Variants in ANK3 observed in about 807,000 individuals in gnomAD.
ANK3 encodes ankyrin 3.
A neutral mutation model predicts 370.9 loss-of-function variants in ANK3; 57 were observed. The ratio of observed to expected loss-of-function variants is 0.15; its 90% CI spans 0.12 to 0.19. The LOEUF (loss-of-function observed/expected upper bound fraction) is 0.19. ANK3 is among the 10% of genes least tolerant of loss of function. ANK3 has a pLI of 1.00. For missense variants in ANK3, 4,439 were observed against 5,302.1 expected (o/e 0.84, Z 5.06); for synonymous variants, 1,929 against 1,946.3 (o/e 0.99, Z 0.23).
intron 2 of ANK3, among the ~76,000 whole-genome samples, chr10:60,471,878 C>T: frequency 6.6e-6 from 1 of 151,918 alleles, no homozygotes; most frequent in African/African-American, 2.4e-5. Flanking sequence ...CCACTAGATA[C>T]TGGAGCTTTC....
rs568146334 is a variant in ANK3 at position 60,492,514 on chromosome 10, T to A, written c.96+122672A>T. Among the ~76,000 whole-genome samples the A allele has an allele frequency of 3.3e-5, 5 of 151,564 alleles. No individual in the cohort carries two copies. The South Asian group carries it at 6.3e-4, about 19-fold the overall frequency. On this transcript the variant is annotated intron_variant, in intron 2 of 43. Transcript: ENST00000373827. ...CGAGGTCAGGAGATCGAGACTATCC[T>A]GGCTAACACAGTGAAACCCCATCTT... is the stretch of plus-strand genomic sequence containing the variant.
intron 1 of ANK3, among the ~76,000 whole-genome samples, chr10:60,624,273 T>G (rs1198405198): frequency 2.6e-5 from 4 of 151,702 alleles, no homozygotes; most frequent in Non-Finnish European, 5.9e-5. Flanking sequence ...CTAATGGGGA[T>G]GTAGGTGATA....
At chr10:60,251,395 A>G (rs1055865710) in intron 7 of ANK3, among the ~76,000 whole-genome samples, 2 of 152,068 alleles carry the variant, frequency 1.3e-5, no homozygotes, top group African/African-American at 4.8e-5. Context: ...GGCTGTAAAG[A>G]GATGTTCAAT....
chr10:60,499,594 G>A (rs2075745736), intron 2 of ANK3, among the ~76,000 whole-genome samples: 1 of 152,104 alleles, frequency 6.6e-6, no homozygotes, highest in Non-Finnish European at 1.5e-5. Context: ...ATTCATAAGG[G>A]ATACTTAACA....
At chr10:60,468,474 T>C (rs1422338190) in intron 2 of ANK3, among the ~76,000 whole-genome samples, 6 of 152,098 alleles carry the variant, frequency 3.9e-5, no homozygotes, top group Admixed American at 2.6e-4. Flanking sequence ...AGTATGGGTG[T>C]CTGATATTCT....
chr10:60,273,541 C>G lies in ANK3; in HGVS notation c.415-3312G>C, dbSNP rs117465338. Among the ~76,000 whole-genome samples, 574 of 152,256 alleles carry G rather than the reference C, an allele frequency of 3.8e-3. 3 individuals are homozygous for G. The highest frequency in any genetic ancestry group is 0.014 in the Middle Eastern group (4 of 294). On this transcript the variant is annotated intron_variant, in intron 4 of 43. Coordinates refer to ENST00000280772, the MANE Select transcript of ANK3 (RefSeq NM_020987.5). ...GTAACCACTAATGCACTTTCTCTCT[C>G]TAGTTTTGCCTATTCTGGATATTCT...
At chr10:60,722,619 G>A (rs193033918) in intron 1 of ANK3, among the ~76,000 whole-genome samples, 9 of 152,186 alleles carry the variant, frequency 5.9e-5, no homozygotes, top group Non-Finnish European at 2.9e-5. Context: ...TTGGATGTTT[G>A]TCCCCTCCAA....
Position 60,073,535 on chromosome 10 carries a change from T to C in ANK3, c.7346A>G (p.His2449Arg), listed in dbSNP as rs371860084. The C allele has an allele frequency of 5.6e-6, 9 of 1,613,972 alleles. 1 individual carries two copies. Among genetic ancestry groups the C allele is most frequent in the Non-Finnish European group, 7.6e-6 (9 of 1,180,008 alleles). ...KLLSQHSIEY[H>R]DDELSELRGE... ...TCTTAGTTCTGACAACTCATCGTCATGGTATTCTATTGAGTGTTGACTCAA... is the reference window on the plus strand; with the variant it reads ...TCTTAGTTCTGACAACTCATCGTCACGGTATTCTATTGAGTGTTGACTCAA... The change falls in exon 37 of 44, where the codon CAT (histidine) becomes CGT (arginine). Residue 2449 changes from histidine to arginine, a missense_variant. His to Arg is a conservative substitution (Grantham distance 29, BLOSUM62 0). Coordinates refer to ENST00000280772, the MANE Select transcript of ANK3 (RefSeq NM_020987.5).
At chr10:60,609,546 T>A (rs967064366) in intron 2 of ANK3, among the ~76,000 whole-genome samples, 4 of 152,064 alleles carry the variant, frequency 2.6e-5, no homozygotes, top group African/African-American at 9.7e-5. Context: ...CCTTTTTTTT[T>A]TTCCTTGCCA....
chr10:60,373,391 G>C (rs1482484639), intron 1 of ANK3, among the ~76,000 whole-genome samples: 1 of 152,174 alleles, frequency 6.6e-6, no homozygotes, highest in East Asian at 1.9e-4. Flanking sequence ...GGGAGTTGAA[G>C]AGAGATAAAA....
intron 2 of ANK3, among the ~76,000 whole-genome samples, chr10:60,525,782 T>C (rs1285701338): frequency 1.3e-5 from 2 of 152,134 alleles, no homozygotes; most frequent in African/African-American, 4.8e-5. Flanking sequence ...ATTCGTGTTA[T>C]TGTGGGGAAC....
intron 27 of ANK3, among the ~76,000 whole-genome samples, chr10:60,106,573 C>A (rs2092202404): frequency 6.6e-6 from 1 of 151,920 alleles, no homozygotes; most frequent in Non-Finnish European, 1.5e-5. Context: ...CTTTTCATGG[C>A]CTGTACAGTT....
intron 1 of ANK3, among the ~76,000 whole-genome samples, chr10:60,344,694 C>A (rs1484384430): frequency 1.3e-5 from 2 of 151,988 alleles, no homozygotes; most frequent in Non-Finnish European, 2.9e-5. Context: ...TGATATTTTA[C>A]CAAGAACAAG....
At chr10:60,032,040 A>G (rs2073709144) in intron 43 of ANK3, among the ~76,000 whole-genome samples, 1 of 151,918 alleles carries the variant, frequency 6.6e-6, no homozygotes, top group African/African-American at 2.4e-5. Flanking sequence ...TTATCATTTA[A>G]TCCTAATCTT....
chr10:60,217,278 G>A (rs2096954620), intron 8 of ANK3, among the ~76,000 whole-genome samples: 1 of 151,576 alleles, frequency 6.6e-6, no homozygotes, highest in Non-Finnish European at 1.5e-5. Context: ...TCTTCTCTTA[G>A]TTATTTCTTG....
At chr10:60,647,084 C>T (rs574162090) in intron 1 of ANK3, among the ~76,000 whole-genome samples, 13 of 152,190 alleles carry the variant, frequency 8.5e-5, no homozygotes, top group African/African-American at 2.6e-4. Flanking sequence ...CATTTTTAAG[C>T]GAAAACACTG....
chr10:60,107,657 A>T (rs969369361), intron 27 of ANK3, among the ~76,000 whole-genome samples: 2 of 152,190 alleles, frequency 1.3e-5, no homozygotes, highest in African/African-American at 4.8e-5. Context: ...TTTTCCCAAC[A>T]CTTTTCAAAA....
intron 1 of ANK3, among the ~76,000 whole-genome samples, chr10:60,296,239 C>T (rs1209972906): frequency 6.6e-6 from 1 of 152,190 alleles, no homozygotes; most frequent in African/African-American, 2.4e-5. Context: ...TAATACACTT[C>T]CCCAGTGGAT....
At chr10:60,558,643 T>C (rs984799960) in intron 2 of ANK3, among the ~76,000 whole-genome samples, 1 of 152,178 alleles carries the variant, frequency 6.6e-6, no homozygotes, top group African/African-American at 2.4e-5. Context: ...TATACTTATG[T>C]TAATAATCCA....
Sources: allele counts gnomAD v4.1 joint callset (sites outside exome capture counted in the v4.1 genomes callset), GRCh38; gene constraint gnomAD v4.1.1; transcripts MANE v1.5; gene names NCBI Gene and HGNC (gene_info 2026-07-23, HGNC 2026-07-21).